RHBDL2: variants seen among roughly 807,000 people sequenced by gnomAD.
RHBDL2 encodes rhomboid-related protein 2.
A neutral mutation model predicts 31.7 loss-of-function variants in RHBDL2; 26 were observed. The ratio of observed to expected loss-of-function variants is 0.82; its 90% CI spans 0.60 to 1.14. RHBDL2 has a LOEUF of 1.14. RHBDL2 is among the 50% of genes most tolerant of loss of function. RHBDL2 has a pLI of 0.00. For missense variants in RHBDL2, 336 were observed against 364.4 expected, an observed-to-expected ratio of 0.92 and a Z score of 0.63; for synonymous variants, 123 against 127.2, an observed-to-expected ratio of 0.97 and a Z score of 0.22.
intron 4 of RHBDL2, among the ~76,000 whole-genome samples, chr1:38,902,610 C>T (rs1190161105): frequency 2.6e-5 from 4 of 151,818 alleles, no homozygotes; most frequent in African/African-American, 9.7e-5. Context: ...TTAATAGAGA[C>T]GGGGTTTCAC....
At chr1:38,929,689 C>A in intron 1 of RHBDL2, 1 of 619,248 alleles carries the variant, frequency 1.6e-6, no homozygotes, top group Non-Finnish European at 2.0e-6. Flanking sequence ...CTGGGGCTGC[C>A]AGGGAGACTT....
At chr1:38,912,902 ATATATATATGTGTGTGTG>A (rs1346520140) in intron 3 of RHBDL2, among the ~76,000 whole-genome samples, 1,027 of 36,292 alleles carry the variant, frequency 0.028, 10 homozygotes, top group Non-Finnish European at 0.051. Context: ...ATATATATAT[ATATATATATGTGTGTGTG>A]TGTGTGTGTG....
At chr1:38,912,033 A>G (rs976128724) in intron 3 of RHBDL2, among the ~76,000 whole-genome samples, 5 of 151,658 alleles carry the variant, frequency 3.3e-5, no homozygotes, top group Admixed American at 1.3e-4. Context: ...GTACAATGGC[A>G]TGATCTCGGC....
chr1:38,918,962 T>A lies in RHBDL2; in HGVS notation c.246+5A>T. ...ACCCCGGTGCCCACCCCGCTCCCCA[T>A]TCACCTCGGCCAGGCTGATGGAGAT... is the stretch of plus-strand genomic sequence containing the variant. On this transcript the variant is annotated splice_donor_5th_base_variant and intron_variant, in intron 2 of 7. Transcript: ENST00000372990. 1.2e-6 allele frequency: 2 copies of A among 1,610,002 alleles called. No homozygotes were observed. The highest frequency in any genetic ancestry group is 1.7e-6 in the Non-Finnish European group (2 of 1,176,794).
intron 1 of RHBDL2, among the ~76,000 whole-genome samples, chr1:38,927,135 G>A (rs1418653742): frequency 6.6e-6 from 1 of 150,672 alleles, no homozygotes; most frequent in African/African-American, 2.4e-5. Flanking sequence ...GTTGAAAAGA[G>A]CCTTCTACCG....
chr1:38,940,642 A>G (rs1643550994), intron 1 of RHBDL2, among the ~76,000 whole-genome samples: 1 of 152,300 alleles, frequency 6.6e-6, no homozygotes, highest in South Asian at 2.1e-4. Context: ...CATGGCAAGA[A>G]GGCAGTCAAA....
intron 1 of RHBDL2, among the ~76,000 whole-genome samples, chr1:38,922,951 C>A (rs1482670606): frequency 6.6e-6 from 1 of 151,986 alleles, no homozygotes; most frequent in African/African-American, 2.4e-5. Context: ...ATTAGCTGGG[C>A]ATGGTAGCAA....
intron 5 of RHBDL2, among the ~76,000 whole-genome samples, chr1:38,894,700 T>TTCTTTTC (rs1442605750): frequency 1.3e-5 from 1 of 74,956 alleles, no homozygotes. Flanking sequence ...TTTTTTTCTT[T>TTCTTTTC]TTTTTTCTTT....
intron 5 of RHBDL2, among the ~76,000 whole-genome samples, chr1:38,894,158 CT>C (rs1195675504): frequency 4.6e-5 from 7 of 151,766 alleles, no homozygotes; most frequent in Non-Finnish European, 8.8e-5. Flanking sequence ...ATAACACTGA[CT>C]TTTTTTTTCT....
intron 6 of RHBDL2, among the ~76,000 whole-genome samples, chr1:38,890,777 G>A (rs1642843955): frequency 6.6e-6 from 1 of 150,912 alleles, no homozygotes; most frequent in African/African-American, 2.4e-5. Flanking sequence ...ACGGCTCACT[G>A]CAGCCTTGAC....
intron 1 of RHBDL2, among the ~76,000 whole-genome samples, chr1:38,925,776 C>A (rs1643368493): frequency 2.6e-5 from 4 of 152,152 alleles, no homozygotes; most frequent in Admixed American, 2.6e-4. Flanking sequence ...TTTTATGAAT[C>A]TTTTCTACTC....
At chr1:38,929,418 GAAGGCCCTGGC>G in intron 1 of RHBDL2, 1 of 1,289,446 alleles carries the variant, frequency 7.8e-7, no homozygotes, top group Non-Finnish European at 1.0e-6. Flanking sequence ...CCTCACCCAG[GAAGGCCCTGGC>G]AAGGCCAACA....
chr1:38,924,288 C>T (rs1264871068), intron 1 of RHBDL2, among the ~76,000 whole-genome samples: 8 of 151,944 alleles, frequency 5.3e-5, no homozygotes, highest in Non-Finnish European at 8.8e-5. Context: ...CACCTGGCCA[C>T]AAGTACTCTT....
chr1:38,924,390 C>T (rs1389673664), intron 1 of RHBDL2, among the ~76,000 whole-genome samples: 12 of 152,042 alleles, frequency 7.9e-5, no homozygotes, highest in African/African-American at 1.9e-4. Flanking sequence ...GTCAGGAGAT[C>T]GAGATCATCC....
intron 1 of RHBDL2, among the ~76,000 whole-genome samples, chr1:38,937,041 G>A (rs1358039782): frequency 1.3e-5 from 2 of 150,496 alleles, no homozygotes; most frequent in Admixed American, 1.3e-4. Flanking sequence ...TCCGCCTCCC[G>A]GGTTCACACC....
chr1:38,907,322 C>CT (rs1334027460), intron 4 of RHBDL2, among the ~76,000 whole-genome samples: 1 of 148,962 alleles, frequency 6.7e-6, no homozygotes, highest in African/African-American at 2.5e-5. Context: ...GGCAGATCAC[C>CT]TGAGGTCAGG....
intron 4 of RHBDL2, among the ~76,000 whole-genome samples, chr1:38,910,770 T>G (rs7514090): frequency 0.34 from 38,328 of 113,546 alleles, 5,499 homozygotes; most frequent in Non-Finnish European, 0.38. Flanking sequence ...TTTTTTTTTT[T>G]TTTGTTTGTT....
intron 6 of RHBDL2, among the ~76,000 whole-genome samples, chr1:38,889,759 T>C (rs1182033525): frequency 6.6e-6 from 1 of 152,202 alleles, no homozygotes; most frequent in Non-Finnish European, 1.5e-5. Context: ...TGTGTAGTGC[T>C]TGGAAACATC....
At chr1:38,919,767 T>A (rs992385933) in intron 1 of RHBDL2, among the ~76,000 whole-genome samples, 8 of 152,086 alleles carry the variant, frequency 5.3e-5, no homozygotes, top group Admixed American at 5.2e-4. Context: ...AGAGACAGGG[T>A]TTCACCATGT....
Sources: allele counts gnomAD v4.1 joint callset (sites outside exome capture counted in the v4.1 genomes callset), GRCh38; gene constraint gnomAD v4.1.1; transcripts MANE v1.5; gene names NCBI Gene and HGNC (gene_info 2026-07-23, HGNC 2026-07-21).